The following RAB3C variants were observed in gnomAD, a reference collection of about 807,000 sequenced individuals.
The protein encoded by RAB3C is RAB3C, member RAS oncogene family, also known as ras-related protein Rab-3C.
RAB3C carries 17 observed loss-of-function variants against 26.4 expected under a neutral mutation model. The ratio of observed to expected loss-of-function variants is 0.64; its 90% CI spans 0.44 to 0.97. RAB3C has a LOEUF of 0.97. Among genes scored for constraint, RAB3C ranks in the 50% least tolerant of loss-of-function variants. RAB3C has a pLI of 0.00. For missense variants in RAB3C, 242 were observed against 281.9 expected, an observed-to-expected ratio of 0.86 and a Z score of 1.01; for synonymous variants, 91 against 95.9, an observed-to-expected ratio of 0.95 and a Z score of 0.30.
intron 2 of RAB3C, among the ~76,000 whole-genome samples, chr5:58,704,444 ATC>A (rs1748905818): frequency 6.6e-6 from 1 of 152,190 alleles, no homozygotes; most frequent in East Asian, 1.9e-4. Context: ...CTGCATCAAT[ATC>A]TCTATTTCCT....
At chr5:58,659,423 G>A (rs1448868606) in intron 2 of RAB3C, among the ~76,000 whole-genome samples, 2 of 152,128 alleles carry the variant, frequency 1.3e-5, no homozygotes, top group Non-Finnish European at 1.5e-5. Flanking sequence ...GTTATTTGCA[G>A]GCATCATGTA....
intron 1 of RAB3C, among the ~76,000 whole-genome samples, chr5:58,606,401 G>T (rs187110462): frequency 6.6e-6 from 1 of 152,304 alleles, no homozygotes; most frequent in Non-Finnish European, 1.5e-5. Flanking sequence ...AGCACAAATT[G>T]GGCAGAGCCC....
At chr5:58,624,199 G>A (rs968587106) in intron 2 of RAB3C, among the ~76,000 whole-genome samples, 2 of 152,114 alleles carry the variant, frequency 1.3e-5, no homozygotes, top group African/African-American at 4.8e-5. Context: ...CTGCCATATG[G>A]AGCCATAAGG....
At chr5:58,797,350 AAAAATATGTATATATAT>A (rs1356322170) in intron 3 of RAB3C, among the ~76,000 whole-genome samples, 383 of 10,746 alleles carry the variant, frequency 0.036, 4 homozygotes, top group South Asian at 0.21. Flanking sequence ...AAAAAAAAAA[AAAAATATGTATATATAT>A]AATATATATA....
chr5:58,805,607 G>C (rs1348456945), intron 3 of RAB3C, among the ~76,000 whole-genome samples: 2 of 117,160 alleles, frequency 1.7e-5, no homozygotes, highest in Non-Finnish European at 3.8e-5. Flanking sequence ...AAAAAAAAGA[G>C]AGAGAGAGAA....
rs1274728639 is a variant in RAB3C, at chr5:58,854,066, C to G, written c.*2715C>G. The G allele has an allele frequency of 6.6e-6, 1 of 151,886 alleles. No homozygotes were observed. The highest frequency in any genetic ancestry group is 1.5e-5 in the Non-Finnish European group (1 of 68,076). The allele number at this position is 151,886 out of a possible 1,614,324, so 9.4% of individuals were successfully genotyped here. ...ACACACACACACACACACACACACACACACACACTATACCATCATCTATCA... is the reference window on the plus strand; with the variant it reads ...ACACACACACACACACACACACACAGACACACACTATACCATCATCTATCA... On this transcript the variant is annotated 3_prime_UTR_variant, in exon 5 of 5. Transcript: ENST00000282878.
chr5:58,781,230 G>A lies in RAB3C; in HGVS notation c.372-43808G>A, dbSNP rs1561128067. ...TGACTCCACACAGTATGGCCCTCTA[G>A]GATTTCATGTTTGCATATAACCTTT... On this transcript the variant is annotated intron_variant, in intron 3 of 4. Coordinates refer to ENST00000282878, the MANE Select transcript of RAB3C (RefSeq NM_138453.4). Among the ~76,000 whole-genome samples the A allele has an allele frequency of 2.0e-5, 3 of 152,080 alleles. No individual in the cohort carries two copies. The South Asian group carries it at 6.2e-4, about 32-fold the overall frequency.
In RAB3C at chr5:58,712,607, C is replaced by T. The variant is rs557730315; in HGVS notation, c.253-13395C>T. Among the ~76,000 whole-genome samples, 18 of 152,318 alleles carry T rather than the reference C, an allele frequency of 1.2e-4. No homozygotes were observed. In the East Asian group the frequency reaches 3.5e-3, roughly 29 times the overall value. On this transcript the variant is annotated intron_variant, in intron 2 of 4. Transcript: ENST00000282878. The stretch of plus-strand genomic sequence containing the variant: ...TGGAGCGATCTTGGCTCACTTCAAC[C>T]TCTGCCTCCCGGGTTCAAGCGATTC...
At chr5:58,681,930 G>T (rs926534437) in intron 2 of RAB3C, among the ~76,000 whole-genome samples, 6 of 152,226 alleles carry the variant, frequency 3.9e-5, no homozygotes, top group Admixed American at 1.3e-4. Flanking sequence ...GAACAGATTT[G>T]AGGCTGTGCA....
intron 2 of RAB3C, among the ~76,000 whole-genome samples, chr5:58,673,929 A>G (rs1423253143): frequency 6.6e-6 from 1 of 152,202 alleles, no homozygotes; most frequent in Non-Finnish European, 1.5e-5. Context: ...AAACATAGAG[A>G]AATATATGTC....
chr5:58,673,309 A>G (rs1020149517), intron 2 of RAB3C, among the ~76,000 whole-genome samples: 5 of 152,146 alleles, frequency 3.3e-5, no homozygotes, highest in African/African-American at 9.7e-5. Flanking sequence ...AAGGTATTAA[A>G]AAGTCCAACC....
intron 1 of RAB3C, among the ~76,000 whole-genome samples, chr5:58,592,982 A>G (rs552904213): frequency 6.6e-6 from 1 of 152,252 alleles, no homozygotes; most frequent in South Asian, 2.1e-4. Flanking sequence ...TAGCCATTAC[A>G]TCTTTAAGTA....
chr5:58,836,620 T>C (rs951114550), intron 4 of RAB3C, among the ~76,000 whole-genome samples: 2 of 152,196 alleles, frequency 1.3e-5, no homozygotes, highest in Admixed American at 1.3e-4. Flanking sequence ...CCCCATGTGA[T>C]TGAAAATATG....
In RAB3C at chr5:58,757,931, G is replaced by GTT. The variant is rs1554016856; in HGVS notation, c.371+31812_371+31813dup. Among the ~76,000 whole-genome samples the GTT allele has an allele frequency of 4.2e-3, 638 of 151,260 alleles. 3 individuals carry two copies. The highest frequency in any genetic ancestry group is 6.8e-3 in the Non-Finnish European group (463 of 67,826). ...CTACTTATTTGTTTTTGTTGTTGTTGTTGTTTTGTTTTGTTTTGTTTTGTT... is the reference window on the plus strand; with the variant it reads ...CTACTTATTTGTTTTTGTTGTTGTTGTTTTGTTTTGTTTTGTTTTGTTTTGTT... On this transcript the variant is annotated intron_variant, in intron 3 of 4. Coordinates refer to ENST00000282878, the MANE Select transcript of RAB3C (RefSeq NM_138453.4).
At chr5:58,744,924 A>G (rs1040607247) in intron 3 of RAB3C, among the ~76,000 whole-genome samples, 3 of 152,166 alleles carry the variant, frequency 2.0e-5, no homozygotes, top group Non-Finnish European at 2.9e-5. Flanking sequence ...TTTCAGGGGA[A>G]ATAAGACACG....
intron 2 of RAB3C, chr5:58,647,500 C>G (rs1286989149): frequency 1.3e-5 from 2 of 151,868 alleles, no homozygotes; most frequent in Non-Finnish European, 2.9e-5. Flanking sequence ...GGGCCCCCCT[C>G]GACACGTGGG....
chr5:58,604,555 G>T (rs2111692492), intron 1 of RAB3C, among the ~76,000 whole-genome samples: 1 of 152,256 alleles, frequency 6.6e-6, no homozygotes, highest in Middle Eastern at 3.4e-3. Context: ...GGCTGCCTCT[G>T]CTGAGTCATG....
intron 3 of RAB3C, among the ~76,000 whole-genome samples, chr5:58,746,128 G>A (rs1212691401): frequency 2.0e-5 from 3 of 152,134 alleles, no homozygotes; most frequent in Admixed American, 6.5e-5. Context: ...TCTTTCAAAG[G>A]AGTTTTATAT....
At chr5:58,725,761 T>C (rs1281358463) in intron 2 of RAB3C, among the ~76,000 whole-genome samples, 1 of 151,910 alleles carries the variant, frequency 6.6e-6, no homozygotes, top group East Asian at 1.9e-4. Context: ...ATTTGATCTT[T>C]ACAAATTATA....
Sources: allele counts gnomAD v4.1 joint callset (sites outside exome capture counted in the v4.1 genomes callset), GRCh38; gene constraint gnomAD v4.1.1; transcripts MANE v1.5; gene names NCBI Gene and HGNC (gene_info 2026-07-23, HGNC 2026-07-21).